RSPH14: variants seen among roughly 807,000 people sequenced by gnomAD.
RSPH14 encodes the protein radial spoke head 14 homolog.
Under a neutral mutation model 26.7 loss-of-function variants are expected in RSPH14, and 20 were observed. The observed-to-expected ratio is 0.75, with a 90% CI of 0.53 to 1.09. The LOEUF is 1.09. Ranked by LOEUF, RSPH14 falls within the 50% of genes least tolerant of loss-of-function variation. The probability of loss-of-function intolerance (pLI) is 0.00; values close to 1 mark genes in which losing one functional copy is unlikely to be tolerated. For synonymous variants in RSPH14, 177 were observed against 189.3 expected (o/e 0.93, Z 0.53); for missense variants, 449 against 457.2 (o/e 0.98, Z 0.16).
intron 6 of RSPH14, 107 bp from the exon 7 acceptor site, chr22:23,059,825 G>A: frequency 8.0e-7 from 1 of 1,244,222 alleles, no homozygotes; most frequent in Non-Finnish European, 1.1e-6. Context: ...GTCTCAAGGG[G>A]TTTATGCCTG....
chr22:23,157,165 C>G, the RSPH14 span, among the ~76,000 whole-genome samples: 38 of 152,278 alleles, frequency 2.5e-4, no homozygotes, highest in Middle Eastern at 3.4e-3. Flanking sequence ...CCTGGCTCCC[C>G]GGAAGTTGTT....
chr22:23,076,191 T>C (rs1046747757), intron 4 of RSPH14, among the ~76,000 whole-genome samples: 4 of 152,190 alleles, frequency 2.6e-5, no homozygotes, highest in Non-Finnish European at 4.4e-5. Context: ...ATGTTTCCTA[T>C]GCCCTTTCCT....
chr22:23,151,657 G>A, the RSPH14 span, among the ~76,000 whole-genome samples: 1 of 152,192 alleles, frequency 6.6e-6, no homozygotes, highest in Non-Finnish European at 1.5e-5. Flanking sequence ...TGAGGTGGGA[G>A]GATCACTCGA....
chr22:23,130,299 C>T (rs1341286532), intron 4 of RSPH14, among the ~76,000 whole-genome samples: 1 of 149,106 alleles, frequency 6.7e-6, no homozygotes, highest in African/African-American at 2.5e-5. Context: ...ACTAAAAATA[C>T]AAAAAATCAG....
intron 4 of RSPH14, among the ~76,000 whole-genome samples, chr22:23,065,101 G>A (rs1290301409): frequency 6.6e-5 from 10 of 152,100 alleles, no homozygotes; most frequent in African/African-American, 1.7e-4. Context: ...TCTTTCTTCC[G>A]CCCTCCCCAG....
chr22:23,084,158 G>A (rs1017529390), intron 4 of RSPH14, among the ~76,000 whole-genome samples: 4 of 152,168 alleles, frequency 2.6e-5, no homozygotes, highest in African/African-American at 7.2e-5. Context: ...TATCTTCCCC[G>A]GAAGATGTGG....
the RSPH14 span, chr22:23,155,821 C>A: frequency 1.6e-6 from 1 of 640,862 alleles, no homozygotes; most frequent in Non-Finnish European, 2.5e-6. Flanking sequence ...GTAGGGACAT[C>A]TGGCTCACAA....
chr22:23,096,298 C>T (rs375941406), intron 4 of RSPH14: 44 of 1,613,988 alleles, frequency 2.7e-5, no homozygotes, highest in Non-Finnish European at 3.5e-5. Context: ...AGATGGTGGA[C>T]GTGGGGGGGC....
chr22:23,156,274 G>T, the RSPH14 span: 1 of 447,064 alleles, frequency 2.2e-6, no homozygotes, highest in Non-Finnish European at 4.1e-6. Context: ...TTAAGTCTCA[G>T]CCCCAGTTTC....
chr22:23,160,140 G>A, the RSPH14 span, among the ~76,000 whole-genome samples: 44 of 152,164 alleles, frequency 2.9e-4, no homozygotes, highest in Non-Finnish European at 5.0e-4. Flanking sequence ...ATATCTAGTC[G>A]GAGACTGGGT....
chr22:23,135,079 GA>G (rs1243290775), intron 3 of RSPH14, among the ~76,000 whole-genome samples: 2 of 152,078 alleles, frequency 1.3e-5, no homozygotes, highest in Non-Finnish European at 2.9e-5. Flanking sequence ...GCTAAGGTGG[GA>G]GGATCGTTTG....
chr22:23,066,917 G>A (rs2068225408), intron 4 of RSPH14, among the ~76,000 whole-genome samples: 1 of 152,212 alleles, frequency 6.6e-6, no homozygotes, highest in Non-Finnish European at 1.5e-5. Context: ...GGAATAGTCA[G>A]CTGGGGACAG....
At chr22:23,133,980 G>T in intron 4 of RSPH14, 46 bp downstream of exon 4, 1 of 1,426,506 alleles carries the variant, frequency 7.0e-7, no homozygotes, top group Non-Finnish European at 9.9e-7. Flanking sequence ...GAGACCGACG[G>T]ACAACTTGAG....
At chr22:23,063,064 G>T (rs1002534017) in intron 5 of RSPH14, among the ~76,000 whole-genome samples, 5 of 152,180 alleles carry the variant, frequency 3.3e-5, no homozygotes, top group Non-Finnish European at 2.9e-5. Flanking sequence ...CAGCAGGGAG[G>T]TTACAGTTTC....
Position 23,114,632 on chromosome 22 carries a change from C to T in RSPH14, c.421+19394G>A, listed in dbSNP as rs909827480. On this transcript the variant is annotated intron_variant, in intron 4 of 6. Transcript: ENST00000216036. Reference sequence around the variant, plus strand: ...CTTGTGCCTGGGTGTGGGGACTAAGCTGTCCATGTGTATCCCACATCAGCC... The same window carrying T: ...CTTGTGCCTGGGTGTGGGGACTAAGTTGTCCATGTGTATCCCACATCAGCC... 5.3e-5 allele frequency among the ~76,000 whole-genome samples: 8 copies of T among 152,378 alleles called. No individual in the cohort carries two copies. The East Asian group carries it at 1.5e-3, about 29-fold the overall frequency.
chr22:23,108,931 G>C (rs985966990), intron 4 of RSPH14, among the ~76,000 whole-genome samples: 2 of 152,222 alleles, frequency 1.3e-5, no homozygotes, highest in Admixed American at 6.5e-5. Flanking sequence ...CATGCTACAG[G>C]AGCTTAGGAA....
chr22:23,167,935 T>G, the RSPH14 span, among the ~76,000 whole-genome samples: 1 of 152,000 alleles, frequency 6.6e-6, no homozygotes, highest in Non-Finnish European at 1.5e-5. Context: ...TCAGTGCAAC[T>G]TTCCATCATC....
At chr22:23,095,679 C>T (rs1328707449) in intron 4 of RSPH14, 4 of 1,588,510 alleles carry the variant, frequency 2.5e-6, no homozygotes, top group Admixed American at 1.7e-5. Flanking sequence ...CTTGTCTGGG[C>T]CCGCTGCTGC....
At chr22:23,159,932 G>A in the RSPH14 span, among the ~76,000 whole-genome samples, 1 of 152,348 alleles carries the variant, frequency 6.6e-6, no homozygotes, top group Non-Finnish European at 1.5e-5. Flanking sequence ...GTGAAAAAAC[G>A]TTTTAAATTA....
Sources: allele counts gnomAD v4.1 joint callset (sites outside exome capture counted in the v4.1 genomes callset), GRCh38; gene constraint gnomAD v4.1.1; transcripts MANE v1.5; gene names NCBI Gene and HGNC (gene_info 2026-07-23, HGNC 2026-07-21).